STIM2: variants seen among roughly 807,000 people sequenced by gnomAD.
The protein encoded by STIM2 is stromal interaction molecule 2.
A neutral mutation model predicts 85.8 loss-of-function variants in STIM2; 31 were observed. That is an observed-to-expected ratio of 0.36 (90% CI 0.27 to 0.49). The LOEUF is 0.49. Ranked by LOEUF, STIM2 falls within the 20% of genes least tolerant of loss-of-function variation. The probability of loss-of-function intolerance (pLI) is 0.98; values close to 1 mark genes in which losing one functional copy is unlikely to be tolerated. For synonymous variants in STIM2, 356 were observed against 331.1 expected (o/e 1.08, Z -0.82); for missense variants, 841 against 927.6 (o/e 0.91, Z 1.21).
chr4:27,008,890 T>C lies in STIM2; in HGVS notation c.1377T>C (p.Tyr459=), dbSNP rs1172948349. 14 of 1,614,198 alleles carry C rather than the reference T, an allele frequency of 8.7e-6. No homozygotes were observed. Among genetic ancestry groups the C allele is most frequent in the Non-Finnish European group, 1.2e-5 (14 of 1,180,020 alleles). The change falls in exon 10 of 12, where the codon TAT becomes TAC. Residue 459 remains tyrosine (Y), a synonymous_variant. Transcript: ENST00000467087. Reference sequence around the variant, plus strand: ...TCCCCAGCCTGACCTCTTCCCTTTATTCTGATCACAGCTGGGTGGTGATGC... The same window carrying C: ...TCCCCAGCCTGACCTCTTCCCTTTACTCTGATCACAGCTGGGTGGTGATGC...
chr4:26,872,261 T>C (rs1722648760), intron 1 of STIM2, among the ~76,000 whole-genome samples: 1 of 152,166 alleles, frequency 6.6e-6, no homozygotes, highest in Non-Finnish European at 1.5e-5. Flanking sequence ...TCTGTAGAAA[T>C]ATGAAGCTAA....
rs148666846 is a variant in STIM2, at chr4:27,017,928, G to A, written c.1707G>A (p.Ala569=). The stretch of plus-strand genomic sequence containing the variant: ...TCCTCTCAGTGTCAAGTTGCCCTGC[G>A]CTTTATCGAAATGAAGAGGAGGAAG... Residue 569 remains alanine (A), a synonymous_variant, in exon 11 of 12, where the codon GCG becomes GCA. Coordinates refer to ENST00000467087, the MANE Select transcript of STIM2 (RefSeq NM_020860.4). The A allele has an allele frequency of 9.1e-5, 147 of 1,614,038 alleles. 1 individual carries two copies. In the African/African-American group the frequency reaches 1.6e-3, roughly 18 times the overall value.
chr4:26,927,714 T>TA (rs1179685123), intron 2 of STIM2, among the ~76,000 whole-genome samples: 60 of 35,650 alleles, frequency 1.7e-3, no homozygotes, highest in Middle Eastern at 0.022. Flanking sequence ...AAAACTTGAA[T>TA]AAAAAAAAAA....
intron 5 of STIM2, 65 bp downstream of exon 5, chr4:26,999,412 A>G: frequency 1.0e-6 from 1 of 991,066 alleles, no homozygotes; most frequent in Admixed American, 2.9e-5. Flanking sequence ...TGTGTTATTT[A>G]AGGAAAGAGA....
intron 3 of STIM2, among the ~76,000 whole-genome samples, chr4:26,983,194 G>A (rs576903745): frequency 6.6e-5 from 10 of 152,306 alleles, no homozygotes; most frequent in Non-Finnish European, 1.3e-4. Flanking sequence ...GTAACTTGGT[G>A]GAAATGAATC....
intron 3 of STIM2, among the ~76,000 whole-genome samples, chr4:26,966,062 G>C (rs1301656163): frequency 2.6e-5 from 4 of 152,054 alleles, no homozygotes; most frequent in African/African-American, 9.7e-5. Context: ...CTATACACCT[G>C]AATTCTACAT....
intron 3 of STIM2, among the ~76,000 whole-genome samples, chr4:26,967,376 A>G (rs1726762344): frequency 6.6e-6 from 1 of 152,202 alleles, no homozygotes; most frequent in Non-Finnish European, 1.5e-5. Context: ...CATTAAGGCA[A>G]AGGCAAAGAA....
intron 3 of STIM2, among the ~76,000 whole-genome samples, chr4:26,964,154 T>C (rs550054425): frequency 6.6e-6 from 1 of 152,114 alleles, no homozygotes; most frequent in Non-Finnish European, 1.5e-5. Flanking sequence ...CAGACTGTAG[T>C]GAGTCTCTGT....
At chr4:27,003,764 C>G (rs571175906) in intron 7 of STIM2, among the ~76,000 whole-genome samples, 1 of 151,974 alleles carries the variant, frequency 6.6e-6, no homozygotes, top group Non-Finnish European at 1.5e-5. Flanking sequence ...TGAGTTGAGG[C>G]GAGCCTGCAG....
intron 2 of STIM2, among the ~76,000 whole-genome samples, chr4:26,922,521 A>G (rs1317586546): frequency 6.6e-6 from 1 of 152,144 alleles, no homozygotes; most frequent in African/African-American, 2.4e-5. Context: ...AAAGTATACA[A>G]CTCAGGAACA....
intron 2 of STIM2, among the ~76,000 whole-genome samples, chr4:26,944,011 G>A (rs1482021865): frequency 6.6e-6 from 1 of 152,058 alleles, no homozygotes; most frequent in Non-Finnish European, 1.5e-5. Context: ...AATCAGTGAG[G>A]ATAGTTCCTA....
In STIM2 at chr4:26,919,527, C is replaced by T. The variant is rs745586309; in HGVS notation, c.175C>T (p.Pro59Ser). The T allele has an allele frequency of 1.9e-6, 3 of 1,613,472 alleles. No homozygotes were observed. The highest frequency in any genetic ancestry group is 2.5e-6 in the Non-Finnish European group (3 of 1,179,678). The change falls in exon 2 of 12, where the codon CCA (proline) becomes TCA (serine). Residue 59 changes from proline to serine, a missense_variant. Physicochemically the swap from Pro to Ser is moderately conservative, Grantham distance 74. Coordinates refer to ENST00000467087, the MANE Select transcript of STIM2 (RefSeq NM_020860.4). ...AGATCCCTGCATGTCACTGAGTCCA[C>T]CATGCTTTACAGAAGAAGACAGATT...
chr4:26,982,875 A>G lies in STIM2; in HGVS notation c.398-12504A>G, dbSNP rs151036849. On this transcript the variant is annotated intron_variant, in intron 3 of 11. Transcript: ENST00000467087. ...TAATTCTAGCTTAACTCCTTTTTCT[A>G]TTTGTACTTCACTGACAGTGAAAAC... 3.7e-3 allele frequency among the ~76,000 whole-genome samples: 568 copies of G among 152,192 alleles called. 2 individuals carry two copies. The highest frequency in any genetic ancestry group is 6.6e-3 in the African/African-American group (276 of 41,538).
intron 3 of STIM2, among the ~76,000 whole-genome samples, chr4:26,976,763 C>T (rs2109109847): frequency 6.6e-6 from 1 of 152,218 alleles, no homozygotes; most frequent in Non-Finnish European, 1.5e-5. Flanking sequence ...GAGATCATAA[C>T]ACTGCACTCC....
At chr4:26,928,065 C>T (rs539158543) in intron 2 of STIM2, among the ~76,000 whole-genome samples, 39 of 151,790 alleles carry the variant, frequency 2.6e-4, no homozygotes, top group African/African-American at 8.0e-4. Flanking sequence ...TTGAATGCTG[C>T]GTTGCCTGGA....
At chr4:26,875,304 T>C (rs1722777139) in intron 1 of STIM2, among the ~76,000 whole-genome samples, 2 of 152,204 alleles carry the variant, frequency 1.3e-5, no homozygotes, top group South Asian at 4.1e-4. Context: ...ATGCCGGTCC[T>C]CTGAATGTAA....
At chr4:27,015,438 C>T (rs1728697789) in intron 10 of STIM2, among the ~76,000 whole-genome samples, 1 of 151,512 alleles carries the variant, frequency 6.6e-6, no homozygotes, top group African/African-American at 2.4e-5. Flanking sequence ...GCTTGTTATT[C>T]ATTTCTTTTT....
chr4:26,988,966 A>G (rs151091015), intron 3 of STIM2, among the ~76,000 whole-genome samples: 1 of 152,024 alleles, frequency 6.6e-6, no homozygotes, highest in Non-Finnish European at 1.5e-5. Context: ...ACGGAGTCTC[A>G]CTCTGTCTCC....
chr4:26,941,768 A>G (rs1725619481), intron 2 of STIM2, among the ~76,000 whole-genome samples: 1 of 152,106 alleles, frequency 6.6e-6, no homozygotes, highest in Non-Finnish European at 1.5e-5. Context: ...AATTGTGCCT[A>G]TATAACATAA....
Sources: allele counts gnomAD v4.1 joint callset (sites outside exome capture counted in the v4.1 genomes callset), GRCh38; gene constraint gnomAD v4.1.1; transcripts MANE v1.5; gene names NCBI Gene and HGNC (gene_info 2026-07-23, HGNC 2026-07-21).